PPM1B: variants seen among roughly 807,000 people sequenced by gnomAD.
The protein encoded by PPM1B is protein phosphatase, Mg2+/Mn2+ dependent 1B.
PPM1B carries 22 observed loss-of-function variants against 43.0 expected under a neutral mutation model. The ratio of observed to expected loss-of-function variants is 0.51; its 90% CI spans 0.37 to 0.73. The LOEUF (loss-of-function observed/expected upper bound fraction) is 0.73. PPM1B is among the 30% of genes least tolerant of loss of function. PPM1B has a pLI of 0.00. For synonymous variants in PPM1B, 217 were observed against 197.9 expected, an observed-to-expected ratio of 1.10 and a Z score of -0.81; for missense variants, 632 against 584.2, an observed-to-expected ratio of 1.08 and a Z score of -0.84.
At chr2:44,175,625 G>C (rs564827806) in intron 1 of PPM1B, among the ~76,000 whole-genome samples, 2 of 152,284 alleles carry the variant, frequency 1.3e-5, no homozygotes, top group East Asian at 3.9e-4. Flanking sequence ...GGAAGATTTG[G>C]GGTGTGTGTG....
intron 1 of PPM1B, among the ~76,000 whole-genome samples, chr2:44,180,993 C>G (rs1191452147): frequency 6.6e-6 from 1 of 151,854 alleles, no homozygotes; most frequent in Non-Finnish European, 1.5e-5. Context: ...GCTCTTTTGC[C>G]CAGGCTGGAG....
intron 2 of PPM1B, among the ~76,000 whole-genome samples, chr2:44,206,007 C>A (rs1305506813): frequency 6.6e-6 from 1 of 152,134 alleles, no homozygotes; most frequent in Non-Finnish European, 1.5e-5. Flanking sequence ...CAGAGTGAGA[C>A]TCCGTGTCAA....
intron 2 of PPM1B, among the ~76,000 whole-genome samples, chr2:44,203,208 G>T (rs772526435): frequency 2.0e-5 from 3 of 152,156 alleles, no homozygotes; most frequent in Non-Finnish European, 4.4e-5. Flanking sequence ...CTTGTCAGTG[G>T]ACAGCCTTTT....
intron 1 of PPM1B, among the ~76,000 whole-genome samples, chr2:44,183,109 TTTCCTTTTGC>T: frequency 6.6e-6 from 1 of 152,368 alleles, no homozygotes; most frequent in African/African-American, 2.4e-5. Flanking sequence ...AGAAGCCTGT[TTTCCTTTTGC>T]TTCCTTTTGC....
At chr2:44,199,674 TTC>T (rs1250810083) in intron 1 of PPM1B, among the ~76,000 whole-genome samples, 1 of 152,200 alleles carries the variant, frequency 6.6e-6, no homozygotes, top group Non-Finnish European at 1.5e-5. Flanking sequence ...ATCAAGCATA[TTC>T]TGTTACATTG....
chr2:44,225,993 T>A (rs1417728339), intron 5 of PPM1B, among the ~76,000 whole-genome samples: 3 of 142,328 alleles, frequency 2.1e-5, no homozygotes, highest in Admixed American at 6.9e-5. Context: ...TTTTTTTTTT[T>A]GAGAGAGAGT....
At chr2:44,199,982 A>G (rs1306825620) in intron 1 of PPM1B, among the ~76,000 whole-genome samples, 2 of 152,172 alleles carry the variant, frequency 1.3e-5, no homozygotes, top group Non-Finnish European at 2.9e-5. Context: ...AATGGAGGTA[A>G]ATTGATCTAG....
chr2:44,177,373 A>C (rs1316605820), intron 1 of PPM1B, among the ~76,000 whole-genome samples: 2 of 149,508 alleles, frequency 1.3e-5, no homozygotes, highest in Admixed American at 6.7e-5. Flanking sequence ...GTTTCTATTC[A>C]TCTGTTCTGG....
At chr2:44,235,701 G>A (rs149540512), downstream of PPM1B, among the ~76,000 whole-genome samples, 158 of 149,770 alleles carry the variant, frequency 1.1e-3, 2 homozygotes, top group East Asian at 0.019. Context: ...TTCAAGACCC[G>A]CCTGGACAAC....
chr2:44,226,208 C>T (rs1419859643), intron 5 of PPM1B, among the ~76,000 whole-genome samples: 5 of 152,012 alleles, frequency 3.3e-5, no homozygotes, highest in African/African-American at 4.8e-5. Context: ...ATCTCTTGAC[C>T]TCATGATCTG....
chr2:44,221,956 C>A (rs1249694913), intron 5 of PPM1B, among the ~76,000 whole-genome samples: 2 of 152,054 alleles, frequency 1.3e-5, no homozygotes, highest in Non-Finnish European at 2.9e-5. Context: ...CTTCTTACCA[C>A]AAACAATATT....
chr2:44,233,759 T>G, downstream of PPM1B: 1 of 985,836 alleles, frequency 1.0e-6, no homozygotes, highest in Non-Finnish European at 1.2e-6. Context: ...TTTGATTTAT[T>G]GTGCACCTGA....
intron 5 of PPM1B, among the ~76,000 whole-genome samples, chr2:44,223,197 A>G (rs547119221): frequency 6.6e-6 from 1 of 152,314 alleles, no homozygotes; most frequent in African/African-American, 2.4e-5. Context: ...GTTAAGCCCA[A>G]TTCCTTGTCA....
chr2:44,207,971 C>G (rs1669272211), intron 2 of PPM1B, among the ~76,000 whole-genome samples: 1 of 149,830 alleles, frequency 6.7e-6, no homozygotes, highest in African/African-American at 2.5e-5. Context: ...TCACTGCAAC[C>G]TCCACCTCCC....
downstream of PPM1B, chr2:44,233,850 CAT>C: frequency 1.0e-6 from 1 of 985,588 alleles, no homozygotes; most frequent in Non-Finnish European, 1.2e-6. Flanking sequence ...AAGTGCTTTA[CAT>C]GATGATGTGA....
chr2:44,237,294 A>G (rs1001539500), downstream of PPM1B, among the ~76,000 whole-genome samples: 1 of 152,194 alleles, frequency 6.6e-6, no homozygotes, highest in Non-Finnish European at 1.5e-5. Context: ...CGTGTATGTT[A>G]CATTATGGTC....
At chr2:44,184,497 G>A (rs1668031020) in intron 1 of PPM1B, among the ~76,000 whole-genome samples, 1 of 151,904 alleles carries the variant, frequency 6.6e-6, no homozygotes, top group Admixed American at 6.6e-5. Flanking sequence ...GTTCTCAAGG[G>A]GTTTAAGTGG....
At chr2:44,246,583 A>C (rs1250301489), downstream of PPM1B, among the ~76,000 whole-genome samples, 2 of 152,230 alleles carry the variant, frequency 1.3e-5, no homozygotes, top group East Asian at 3.9e-4. Context: ...TAAGAATTTC[A>C]GCAATGTACT....
At chr2:44,236,998 A>T (rs1248852796), downstream of PPM1B, among the ~76,000 whole-genome samples, 1 of 152,250 alleles carries the variant, frequency 6.6e-6, no homozygotes, top group Non-Finnish European at 1.5e-5. Flanking sequence ...CAAAAAATCC[A>T]TTATATATGT....
Sources: gnomAD v4.1 joint callset for allele counts (sites outside exome capture counted in the v4.1 genomes callset) on GRCh38, gnomAD v4.1.1 for gene constraint, MANE v1.5 for transcripts, NCBI Gene and HGNC (gene_info 2026-07-23, HGNC 2026-07-21) for gene names.